Variants in PHF20 observed in about 807,000 individuals in gnomAD.
PHF20 encodes PHD finger protein 20.
Under a neutral mutation model 113.5 loss-of-function variants are expected in PHF20, and 23 were observed. That is an observed-to-expected ratio of 0.20 (90% CI 0.15 to 0.29). PHF20 has a LOEUF of 0.29. Ranked by LOEUF, PHF20 falls within the 10% of genes least tolerant of loss-of-function variation. The probability of loss-of-function intolerance (pLI) is 1.00; values close to 1 mark genes in which losing one functional copy is unlikely to be tolerated. For missense variants in PHF20, 943 were observed against 1,219.6 expected (o/e 0.77, Z 3.38); for synonymous variants, 434 against 457.3 (o/e 0.95, Z 0.65).
chr20:35,931,126 A>G, intron 14 of PHF20, 123 bp from the exon 15 acceptor site: 1 of 680,140 alleles, frequency 1.5e-6, no homozygotes, highest in Non-Finnish European at 2.5e-6. Context: ...GGATGAATAA[A>G]TGAACAAAAT....
intron 1 of PHF20, among the ~76,000 whole-genome samples, chr20:35,774,144 G>T (rs1327505324): frequency 6.6e-6 from 1 of 151,048 alleles, no homozygotes; most frequent in Non-Finnish European, 1.5e-5. Context: ...GTGCAGTGGC[G>T]CGATCTCGGC....
chr20:35,904,001 G>T (rs957478178), intron 10 of PHF20, among the ~76,000 whole-genome samples: 13 of 152,090 alleles, frequency 8.5e-5, no homozygotes, highest in African/African-American at 3.1e-4. Flanking sequence ...AAATTTGAAA[G>T]AATAGAACCA....
At chr20:35,821,911 G>T (rs1460368268) in intron 2 of PHF20, among the ~76,000 whole-genome samples, 2 of 152,122 alleles carry the variant, frequency 1.3e-5, no homozygotes, top group Non-Finnish European at 2.9e-5. Context: ...TTTTTCTCTC[G>T]GTACCAGTAG....
At chr20:35,906,864 TGAG>T (rs1475386641) in intron 10 of PHF20, among the ~76,000 whole-genome samples, 1 of 152,008 alleles carries the variant, frequency 6.6e-6, no homozygotes, top group Non-Finnish European at 1.5e-5. Context: ...ATGCAGGGCT[TGAG>T]GAGGGAGGGG....
At position 35,947,908 on chromosome 20, in the gene PHF20, C is replaced by T. The variant is rs1196186679; in HGVS notation, c.*281C>T. ...AGAGAGTCTTTTTGCACAAACTTCA[C>T]TTGAAATTGTGCCACTGATGATAAA... is the stretch of plus-strand genomic sequence containing the variant. On this transcript the variant is annotated 3_prime_UTR_variant, in exon 18 of 18. Coordinates refer to ENST00000374012, the MANE Select transcript of PHF20 (RefSeq NM_016436.5). The T allele has an allele frequency of 1.0e-5, 3 of 299,310 alleles. No homozygotes were observed. The highest frequency in any genetic ancestry group is 1.9e-5 in the Non-Finnish European group (3 of 160,276). 18.5% of individuals were successfully genotyped at this position (299,310 alleles called of 1,614,324 possible).
At chr20:35,879,963 G>C (rs6060657) in intron 9 of PHF20, among the ~76,000 whole-genome samples, 2 of 151,988 alleles carry the variant, frequency 1.3e-5, no homozygotes, top group African/African-American at 2.4e-5. Flanking sequence ...CTGTGCTCCA[G>C]AGCTGTGACA....
intron 2 of PHF20, among the ~76,000 whole-genome samples, chr20:35,827,627 AC>A (rs1453392953): frequency 2.0e-5 from 3 of 152,072 alleles, no homozygotes; most frequent in Non-Finnish European, 4.4e-5. Flanking sequence ...TATTAAAAAT[AC>A]AAAAAATTGG....
chr20:35,822,806 G>A (rs1030764627), intron 2 of PHF20, among the ~76,000 whole-genome samples: 1 of 144,840 alleles, frequency 6.9e-6, no homozygotes, highest in Non-Finnish European at 1.5e-5. Flanking sequence ...CCACTGCATG[G>A]CAGCTTGGGT....
At chr20:35,833,857 A>G (rs2042393589) in intron 2 of PHF20, among the ~76,000 whole-genome samples, 2 of 152,156 alleles carry the variant, frequency 1.3e-5, no homozygotes, top group South Asian at 4.1e-4. Flanking sequence ...CAGGAGTTCA[A>G]GACCAGCCTG....
intron 9 of PHF20, among the ~76,000 whole-genome samples, chr20:35,896,397 TTAATA>T (rs1174838599): frequency 6.6e-6 from 1 of 152,114 alleles, no homozygotes; most frequent in African/African-American, 2.4e-5. Flanking sequence ...AAAGATCCAT[TTAATA>T]TAATATATTC....
chr20:35,811,313 C>T (rs552048855), intron 2 of PHF20, among the ~76,000 whole-genome samples: 2 of 151,994 alleles, frequency 1.3e-5, no homozygotes, highest in East Asian at 3.9e-4. Flanking sequence ...CCAAAGTGCT[C>T]ACATTACAGG....
intron 3 of PHF20, among the ~76,000 whole-genome samples, chr20:35,844,097 G>A (rs2042577991): frequency 6.6e-6 from 1 of 151,742 alleles, no homozygotes; most frequent in Admixed American, 6.6e-5. Flanking sequence ...AGTAGCTCAA[G>A]AGCCGTTTTT....
intron 13 of PHF20, among the ~76,000 whole-genome samples, chr20:35,918,306 C>A (rs570141194): frequency 2.6e-5 from 4 of 152,224 alleles, no homozygotes; most frequent in African/African-American, 4.8e-5. Context: ...AGCTGCCCAA[C>A]TGGCTTGGGA....
At chr20:35,787,091 A>G (rs1239506540) in intron 1 of PHF20, among the ~76,000 whole-genome samples, 1 of 151,092 alleles carries the variant, frequency 6.6e-6, no homozygotes, top group Admixed American at 6.6e-5. Flanking sequence ...CCCTGGGCTC[A>G]AGTGATTCTC....
intron 2 of PHF20, among the ~76,000 whole-genome samples, chr20:35,809,360 C>T (rs2041938169): frequency 6.6e-6 from 1 of 151,960 alleles, no homozygotes; most frequent in Non-Finnish European, 1.5e-5. Context: ...TGGTGGATCA[C>T]CTGAGGTCAG....
intron 9 of PHF20, among the ~76,000 whole-genome samples, chr20:35,896,113 G>GTGTT (rs1491533017): frequency 6.6e-6 from 1 of 150,454 alleles, no homozygotes; most frequent in South Asian, 2.1e-4. Flanking sequence ...GTGTGTGTGT[G>GTGTT]TATAGGTTTT....
At chr20:35,780,745 A>G (rs2041277145) in intron 1 of PHF20, among the ~76,000 whole-genome samples, 1 of 146,150 alleles carries the variant, frequency 6.8e-6, no homozygotes, top group Non-Finnish European at 1.5e-5. Context: ...ACGGGGTTTC[A>G]CCATGTTGCC....
chr20:35,924,192 C>CTTTTTTT (rs767943006), intron 13 of PHF20, among the ~76,000 whole-genome samples: 1 of 129,910 alleles, frequency 7.7e-6, no homozygotes, highest in Non-Finnish European at 1.7e-5. Context: ...CTTTTCTTTT[C>CTTTTTTT]TTTTTTTTTT....
At chr20:35,922,517 A>G (rs2055537899) in intron 13 of PHF20, among the ~76,000 whole-genome samples, 1 of 152,216 alleles carries the variant, frequency 6.6e-6, no homozygotes, top group African/African-American at 2.4e-5. Flanking sequence ...CATTGTCATT[A>G]TATGAGTAGT....
Sources: allele counts gnomAD v4.1 joint callset (sites outside exome capture counted in the v4.1 genomes callset), GRCh38; gene constraint gnomAD v4.1.1; transcripts MANE v1.5; gene names NCBI Gene and HGNC (gene_info 2026-07-23, HGNC 2026-07-21).